The following HOOK3 variants were observed in gnomAD, a reference collection of about 807,000 sequenced individuals.
HOOK3 encodes hook microtubule tethering protein 3, also known as protein Hook homolog 3.
In HOOK3, 24 loss-of-function variants were observed where a neutral mutation model predicts 116.3. The ratio of observed to expected loss-of-function variants is 0.21; its 90% CI spans 0.15 to 0.29. The LOEUF is 0.29. HOOK3 is among the 10% of genes least tolerant of loss of function. HOOK3 has a pLI of 1.00. For synonymous variants in HOOK3, 275 were observed against 283.0 expected, an observed-to-expected ratio of 0.97 and a Z score of 0.28; for missense variants, 632 against 830.2, an observed-to-expected ratio of 0.76 and a Z score of 2.93.
At chr8:42,901,497 G>C (rs1216660382) in intron 1 of HOOK3, among the ~76,000 whole-genome samples, 2 of 152,018 alleles carry the variant, frequency 1.3e-5, no homozygotes, top group African/African-American at 2.4e-5. Context: ...TGACTATCTA[G>C]TTCCAAGAAC....
At chr8:43,002,170 C>G (rs934503460) in intron 17 of HOOK3, 29 bp downstream of exon 17, 1 of 1,554,514 alleles carries the variant, frequency 6.4e-7, no homozygotes, top group Non-Finnish European at 8.9e-7. Context: ...GAGGCTGATT[C>G]TTCTATAGTG....
chr8:42,979,930 A>G (rs1285694684), intron 13 of HOOK3, among the ~76,000 whole-genome samples: 1 of 149,032 alleles, frequency 6.7e-6, no homozygotes, highest in Non-Finnish European at 1.5e-5. Context: ...ATCTCTAATC[A>G]TCTCTACATG....
intron 16 of HOOK3, among the ~76,000 whole-genome samples, chr8:42,998,954 C>T (rs1230350000): frequency 6.6e-6 from 1 of 152,152 alleles, no homozygotes; most frequent in Non-Finnish European, 1.5e-5. Context: ...TTTCTTAATT[C>T]AGTGAAATCA....
In HOOK3 at chr8:42,968,319, C is replaced by T. The variant is rs577771399; in HGVS notation, c.1122+105C>T. ...TGTTTTCATGGTATTCTGTTTTTTACCTTTTCTTTATTGTATTGATTCATT... is the reference window on the plus strand; with the variant it reads ...TGTTTTCATGGTATTCTGTTTTTTATCTTTTCTTTATTGTATTGATTCATT... On this transcript the variant is annotated intron_variant, in intron 11 of 21. Coordinates refer to ENST00000307602, the MANE Select transcript of HOOK3 (RefSeq NM_032410.4). The T allele has an allele frequency of 1.4e-4, 108 of 784,548 alleles. 1 individual carries two copies. The highest frequency in any genetic ancestry group is 1.2e-3 in the Admixed American group (43 of 37,092). The allele number at this position is 784,548 out of a possible 1,614,324, so 48.6% of individuals were successfully genotyped here.
intron 21 of HOOK3, among the ~76,000 whole-genome samples, chr8:43,014,339 CATTT>C (rs574484549): frequency 2.7e-5 from 4 of 149,026 alleles, no homozygotes; most frequent in Admixed American, 1.3e-4. Context: ...GACCAGATTC[CATTT>C]ATTTATTTAT....
intron 3 of HOOK3, among the ~76,000 whole-genome samples, chr8:42,926,999 G>A (rs915012163): frequency 2.0e-5 from 3 of 152,104 alleles, no homozygotes; most frequent in African/African-American, 7.2e-5. Flanking sequence ...TGTCATTTCT[G>A]GCAGTGTGGA....
intron 21 of HOOK3, 27 bp downstream of exon 21, chr8:43,013,427 A>C: frequency 6.6e-7 from 1 of 1,524,406 alleles, no homozygotes; most frequent in Non-Finnish European, 8.8e-7. Flanking sequence ...TTGGAGCATA[A>C]TGAAAACTTC....
At chr8:43,011,844 A>C (rs1426684896) in intron 19 of HOOK3, among the ~76,000 whole-genome samples, 2 of 152,156 alleles carry the variant, frequency 1.3e-5, no homozygotes, top group African/African-American at 4.8e-5. Context: ...ACATCACCGC[A>C]CTCCAGCCTA....
At chr8:42,938,326 C>T (rs1808014870) in intron 4 of HOOK3, among the ~76,000 whole-genome samples, 1 of 151,700 alleles carries the variant, frequency 6.6e-6, no homozygotes, top group Non-Finnish European at 1.5e-5. Flanking sequence ...ATACAGCACA[C>T]TGATGGGTCT....
intron 6 of HOOK3, among the ~76,000 whole-genome samples, chr8:42,951,833 C>T (rs1010931969): frequency 9.2e-5 from 14 of 151,640 alleles, no homozygotes; most frequent in Non-Finnish European, 2.1e-4. Context: ...CCCAGCTTCT[C>T]GGGAGGCTGA....
chr8:43,004,424 T>TA (rs1309172049), intron 17 of HOOK3, among the ~76,000 whole-genome samples: 1 of 147,928 alleles, frequency 6.8e-6, no homozygotes, highest in Non-Finnish European at 1.5e-5. Flanking sequence ...CTCACACCTG[T>TA]AATCCCAGCA....
At chr8:42,971,517 CCTTG>C (rs1386189447) in intron 11 of HOOK3, among the ~76,000 whole-genome samples, 2 of 152,158 alleles carry the variant, frequency 1.3e-5, no homozygotes, top group African/African-American at 2.4e-5. Flanking sequence ...GATCCACCTG[CCTTG>C]GCCTCCCAAA....
chr8:42,919,965 T>C (rs2130348540), intron 2 of HOOK3, among the ~76,000 whole-genome samples: 1 of 151,838 alleles, frequency 6.6e-6, no homozygotes, highest in Non-Finnish European at 1.5e-5. Flanking sequence ...TTTTTTTTTT[T>C]TCTGTGAAGG....
intron 1 of HOOK3, among the ~76,000 whole-genome samples, chr8:42,902,052 C>T (rs927299594): frequency 4.0e-5 from 6 of 151,858 alleles, no homozygotes; most frequent in African/African-American, 1.5e-4. Context: ...TTTGAATTAC[C>T]TGCTTTGTTG....
intron 13 of HOOK3, among the ~76,000 whole-genome samples, chr8:42,978,448 TC>T (rs1443433624): frequency 4.0e-5 from 6 of 150,922 alleles, no homozygotes. Context: ...CTCACTCTTG[TC>T]CCCCAGGCTG....
intron 5 of HOOK3, among the ~76,000 whole-genome samples, chr8:42,948,543 C>T (rs1808278870): frequency 6.6e-6 from 1 of 152,166 alleles, no homozygotes; most frequent in Non-Finnish European, 1.5e-5. Flanking sequence ...CCCTCGAGTC[C>T]ACTGTTATTT....
chr8:42,955,255 A>C (rs973616556), intron 6 of HOOK3, among the ~76,000 whole-genome samples: 1 of 152,218 alleles, frequency 6.6e-6, no homozygotes, highest in East Asian at 1.9e-4. Flanking sequence ...TGAAACTCAC[A>C]TGTACAGAGA....
intron 21 of HOOK3, among the ~76,000 whole-genome samples, chr8:43,014,285 G>A (rs112196626): frequency 0.13 from 8,235 of 64,066 alleles, 301 homozygotes; most frequent in African/African-American, 0.2. Context: ...GACTGTCTCA[G>A]AAAAAAAAAA....
intron 1 of HOOK3, among the ~76,000 whole-genome samples, chr8:42,905,948 G>C (rs191221932): frequency 6.6e-6 from 1 of 151,952 alleles, no homozygotes; most frequent in Non-Finnish European, 1.5e-5. Context: ...TTAGCAGGGC[G>C]TGGTAGTGCG....
Sources: allele counts gnomAD v4.1 joint callset (sites outside exome capture counted in the v4.1 genomes callset), GRCh38; gene constraint gnomAD v4.1.1; transcripts MANE v1.5; gene names NCBI Gene and HGNC (gene_info 2026-07-23, HGNC 2026-07-21).